The following MYOM1 variants were observed in gnomAD, a reference collection of about 807,000 sequenced individuals.
The protein encoded by MYOM1 is myomesin-1.
MYOM1 carries 164 observed loss-of-function variants against 205.3 expected under a neutral mutation model. The ratio of observed to expected loss-of-function variants is 0.80; its 90% CI spans 0.70 to 0.91. The LOEUF (loss-of-function observed/expected upper bound fraction) is 0.91. MYOM1 is among the 40% of genes least tolerant of loss of function. The pLI, the probability that MYOM1 is intolerant of heterozygous loss-of-function variation, is 0.00. For missense variants in MYOM1, 2,011 were observed against 2,127.3 expected (o/e 0.95, Z 1.08); for synonymous variants, 772 against 789.4 (o/e 0.98, Z 0.37).
intron 10 of MYOM1, among the ~76,000 whole-genome samples, chr18:3,156,392 T>G (rs1341307359): frequency 1.3e-5 from 2 of 152,224 alleles, no homozygotes; most frequent in Non-Finnish European, 1.5e-5. Flanking sequence ...ACTTCTGCAT[T>G]TAATAGATTT....
chr18:3,247,354 G>T, the MYOM1 span: 1 of 152,304 alleles, frequency 6.6e-6, no homozygotes, highest in Non-Finnish European at 1.5e-5. Flanking sequence ...GACCCCGCGC[G>T]GGGCGTCAAG....
At chr18:3,130,899 T>C (rs1212822510) in intron 17 of MYOM1, among the ~76,000 whole-genome samples, 2 of 152,230 alleles carry the variant, frequency 1.3e-5, no homozygotes, top group African/African-American at 2.4e-5. Flanking sequence ...AGATGAAACA[T>C]ATGATTAAGC....
At chr18:3,247,187 AAGAT>A in the MYOM1 span, 1 of 152,318 alleles carries the variant, frequency 6.6e-6, no homozygotes. Flanking sequence ...CTGGGCCAAA[AAGAT>A]AGTGGAGGCT....
intron 2 of MYOM1, among the ~76,000 whole-genome samples, chr18:3,210,417 G>A (rs1415173069): frequency 6.6e-6 from 1 of 152,074 alleles, no homozygotes; most frequent in Non-Finnish European, 1.5e-5. Flanking sequence ...GTAGGTGAGG[G>A]GCATGGTTTA....
intron 2 of MYOM1, among the ~76,000 whole-genome samples, chr18:3,202,750 A>G (rs1335128769): frequency 1.3e-5 from 2 of 152,120 alleles, no homozygotes; most frequent in Non-Finnish European, 2.9e-5. Context: ...TGATAGAACA[A>G]CTAGATTTAA....
At chr18:3,079,385 C>T in intron 33 of MYOM1, 43 bp from the exon 34 acceptor site, 2 of 1,544,688 alleles carry the variant, frequency 1.3e-6, no homozygotes, top group Non-Finnish European at 1.7e-6. Context: ...TGCTTCCATC[C>T]AGGGCTGATC....
chr18:3,070,186 G>A (rs1460802506), intron 37 of MYOM1, among the ~76,000 whole-genome samples: 1 of 152,144 alleles, frequency 6.6e-6, no homozygotes, highest in African/African-American at 2.4e-5. Flanking sequence ...TCACTGTGTT[G>A]TCCAGGCTGA....
chr18:3,095,559 C>T (rs189694696), intron 25 of MYOM1, among the ~76,000 whole-genome samples: 3 of 152,288 alleles, frequency 2.0e-5, no homozygotes, highest in Admixed American at 1.3e-4. Flanking sequence ...CAAAGTGAGA[C>T]TCTGTCTCAA....
chr18:3,121,480 A>G (rs1268750104), intron 19 of MYOM1, among the ~76,000 whole-genome samples: 1 of 152,250 alleles, frequency 6.6e-6, no homozygotes, highest in Non-Finnish European at 1.5e-5. Context: ...GTGCAATTAC[A>G]TCTTCAAAGC....
chr18:3,202,340 A>G (rs1237496421), intron 2 of MYOM1, among the ~76,000 whole-genome samples: 1 of 149,448 alleles, frequency 6.7e-6, no homozygotes, highest in East Asian at 1.9e-4. Context: ...CAGTAATTTT[A>G]GCAAACGTAA....
At chr18:3,171,476 C>T (rs1170218029) in intron 8 of MYOM1, among the ~76,000 whole-genome samples, 1 of 152,162 alleles carries the variant, frequency 6.6e-6, no homozygotes, top group East Asian at 1.9e-4. Context: ...GATTGGACTG[C>T]ACTGTCTGCG....
Position 3,135,438 on chromosome 18 carries a change from A to G in MYOM1, c.2209+109T>C, listed in dbSNP as rs930730590. ...TTAAGTACAGCCATCGAGTAAATTT[A>G]TAATATGAAAGAAGGATGTCACCAT... is the stretch of plus-strand genomic sequence containing the variant. On this transcript the variant is annotated intron_variant, in intron 15 of 37. Transcript: ENST00000356443. The surrounding 1 kb of genome is among the most constrained non-coding windows in gnomAD (Gnocchi z 4.1). 109 of 967,714 alleles carry G rather than the reference A, an allele frequency of 1.1e-4. No homozygotes were observed. The highest frequency in any genetic ancestry group is 1.8e-5 in the Non-Finnish European group (12 of 668,632). The allele number at this position is 967,714 out of a possible 1,614,324, so 59.9% of individuals were successfully genotyped here.
At chr18:3,228,586 A>G in the MYOM1 span, among the ~76,000 whole-genome samples, 9 of 152,124 alleles carry the variant, frequency 5.9e-5, no homozygotes, top group African/African-American at 2.2e-4. The surrounding 1 kb of genome is among the most constrained non-coding windows in gnomAD (Gnocchi z 4.5). Context: ...ATTCATTTCG[A>G]ATTTCCTTTT....
At chr18:3,246,393 C>G in the MYOM1 span, 43,899 of 152,084 alleles carry the variant, frequency 0.29, 7,373 homozygotes, top group East Asian at 0.57. Flanking sequence ...TTAAAGACTC[C>G]GATTTAGTAG....
At position 3,151,091 on chromosome 18, in the gene MYOM1, C is replaced by A. The variant is rs1328230554; in HGVS notation, c.1843+603G>T. 2.0e-5 allele frequency among the ~76,000 whole-genome samples: 3 copies of A among 150,986 alleles called. No individual in the cohort carries two copies. The South Asian group carries it at 6.3e-4, about 32-fold the overall frequency. ...CTCCTAGGCTCAAGCCATCCTCCCA[C>A]CTTAGCCTCTCCAAGTGCTGGGATT... On this transcript the variant is annotated intron_variant, in intron 12 of 37. Transcript: ENST00000356443.
At position 3,131,356 on chromosome 18, in the gene MYOM1, T is replaced by G; in HGVS notation, c.2506+19A>C. The G allele has an allele frequency of 1.2e-6, 2 of 1,613,220 alleles. No homozygotes were observed. The highest frequency in any genetic ancestry group is 1.7e-6 in the Non-Finnish European group (2 of 1,179,610). On this transcript the variant is annotated intron_variant, in intron 17 of 37. Coordinates refer to ENST00000356443, the MANE Select transcript of MYOM1 (RefSeq NM_003803.4). ...AAAAATCCATTTTTCCCCCATACAGTTATGCATAAGGAACTTACCAATAGC... is the reference window on the plus strand; with the variant it reads ...AAAAATCCATTTTTCCCCCATACAGGTATGCATAAGGAACTTACCAATAGC...
In MYOM1 at chr18:3,179,698, A is replaced by T. The variant is rs2080701577; in HGVS notation, c.930-3564T>A. 1.3e-5 allele frequency among the ~76,000 whole-genome samples: 2 copies of T among 152,240 alleles called. No individual in the cohort carries two copies. The highest frequency in any genetic ancestry group is 2.9e-5 in the Non-Finnish European group (2 of 68,040). Reference sequence around the variant, plus strand: ...GACTATCTGATCAGAGATGGCCTGGAAAAAGAAATCCACTGGCCACTTCTA... The same window carrying T: ...GACTATCTGATCAGAGATGGCCTGGTAAAAGAAATCCACTGGCCACTTCTA... On this transcript the variant is annotated intron_variant, in intron 5 of 37. Coordinates refer to ENST00000356443, the MANE Select transcript of MYOM1 (RefSeq NM_003803.4). This position sits in a 1 kb window ranked among gnomAD's most constrained non-coding sequence, Gnocchi z 4.4.
In MYOM1 at chr18:3,131,225, A is replaced by G. The variant is rs1055707001; in HGVS notation, c.2506+150T>C. ...TAAAATGGCAGCTATGGAAGGTTAGACATCACCTAGAGTCAGAGAAAATGA... is the reference window on the plus strand; with the variant it reads ...TAAAATGGCAGCTATGGAAGGTTAGGCATCACCTAGAGTCAGAGAAAATGA... On this transcript the variant is annotated intron_variant, in intron 17 of 37. Coordinates refer to ENST00000356443, the MANE Select transcript of MYOM1 (RefSeq NM_003803.4). 34 of 813,606 alleles carry G rather than the reference A, an allele frequency of 4.2e-5. No individual in the cohort carries two copies. In the East Asian group the frequency reaches 8.4e-4, roughly 20 times the overall value. 50.4% of individuals were successfully genotyped at this position (813,606 alleles called of 1,614,324 possible).
chr18:3,226,885 G>A, the MYOM1 span, among the ~76,000 whole-genome samples: 1 of 152,354 alleles, frequency 6.6e-6, no homozygotes, highest in Admixed American at 6.5e-5. This position sits in a 1 kb window ranked among gnomAD's most constrained non-coding sequence, Gnocchi z 4.6. Flanking sequence ...AGGAGTCAGT[G>A]TGGCCAGGGA....
Sources: gnomAD v4.1 joint callset for allele counts (sites outside exome capture counted in the v4.1 genomes callset) on GRCh38, gnomAD v4.1.1 for gene constraint, Gnocchi (gnomAD v3.1) non-coding constraint, MANE v1.5 for transcripts, NCBI Gene and HGNC (gene_info 2026-07-23, HGNC 2026-07-21) for gene names.